Variants in DMXL2 observed in about 807,000 individuals in gnomAD.
The protein encoded by DMXL2 is dmX-like protein 2.
A neutral mutation model predicts 331.1 loss-of-function variants in DMXL2; 103 were observed. The ratio of observed to expected loss-of-function variants is 0.31; its 90% CI spans 0.27 to 0.37. The LOEUF is 0.37. DMXL2 is among the 10% of genes least tolerant of loss of function. The pLI is 1.00. For missense variants in DMXL2, 3,171 were observed against 3,642.9 expected (o/e 0.87, Z 3.33); for synonymous variants, 1,281 against 1,252.1 (o/e 1.02, Z -0.49).
intron 14 of DMXL2, among the ~76,000 whole-genome samples, chr15:51,515,840 ATTAAG>A (rs1453214083): frequency 6.6e-6 from 1 of 152,182 alleles, no homozygotes; most frequent in Non-Finnish European, 1.5e-5. Context: ...TCCATTAAAA[ATTAAG>A]TTATCTATAG....
At chr15:51,462,177 G>T (rs916865687) in intron 33 of DMXL2, among the ~76,000 whole-genome samples, 2 of 152,060 alleles carry the variant, frequency 1.3e-5, no homozygotes, top group Non-Finnish European at 2.9e-5. Context: ...GTGGGAAAAA[G>T]AACAAGTATG....
intron 1 of DMXL2, among the ~76,000 whole-genome samples, chr15:51,579,415 T>C (rs958251491): frequency 3.9e-5 from 6 of 152,126 alleles, no homozygotes; most frequent in Non-Finnish European, 7.4e-5. Context: ...CTGAATCACA[T>C]GCATTCTGTA....
intron 29 of DMXL2, among the ~76,000 whole-genome samples, chr15:51,466,766 G>T (rs2040614797): frequency 6.6e-6 from 1 of 151,934 alleles, no homozygotes; most frequent in South Asian, 2.1e-4. Context: ...AATTTACACA[G>T]GCTTTAAGTA....
rs186090917 is a variant in DMXL2, at chr15:51,458,644, G to C, written c.8077-17C>G. On this transcript the variant is annotated splice_polypyrimidine_tract_variant and intron_variant, in intron 35 of 43. Transcript: ENST00000560891. The stretch of plus-strand genomic sequence containing the variant: ...ACAATTTGCCTATAAAGCAAAGGCA[G>C]AATCGATGATTTAAGCAATTTCACT... 6 of 1,613,824 alleles carry C rather than the reference G, an allele frequency of 3.7e-6. No homozygotes were observed. The African/African-American group carries it at 8.0e-5, about 22-fold the overall frequency.
chr15:51,563,488 T>C (rs2050090390), intron 5 of DMXL2, 41 bp from the exon 6 acceptor site: 1 of 1,413,416 alleles, frequency 7.1e-7, no homozygotes, highest in African/African-American at 1.5e-5. Flanking sequence ...TTTTAAAATC[T>C]GGTGTACTGT....
intron 16 of DMXL2, 93 bp from the exon 17 acceptor site, chr15:51,503,126 A>AT: frequency 5.5e-6 from 5 of 915,616 alleles, no homozygotes; most frequent in African/African-American, 1.7e-5. Flanking sequence ...TAAGAAACAT[A>AT]GCTTCTTAAA....
At chr15:51,487,496 C>T (rs549985702) in intron 22 of DMXL2, among the ~76,000 whole-genome samples, 8 of 152,234 alleles carry the variant, frequency 5.3e-5, no homozygotes, top group Admixed American at 1.3e-4. Flanking sequence ...CTCACTCTGT[C>T]GCCCAGGCTG....
At chr15:51,588,485 T>C (rs2052031931) in intron 1 of DMXL2, among the ~76,000 whole-genome samples, 1 of 152,178 alleles carries the variant, frequency 6.6e-6, no homozygotes, top group African/African-American at 2.4e-5. Flanking sequence ...GCCACAATAC[T>C]GTTTCTCAAT....
At chr15:51,517,910 T>C (rs1443085145) in intron 13 of DMXL2, among the ~76,000 whole-genome samples, 1 of 152,172 alleles carries the variant, frequency 6.6e-6, no homozygotes, top group Non-Finnish European at 1.5e-5. Flanking sequence ...AGAGAGCATG[T>C]AAGAAAATTG....
At chr15:51,463,782 T>A (rs867683556) in intron 32 of DMXL2, among the ~76,000 whole-genome samples, 1 of 152,330 alleles carries the variant, frequency 6.6e-6, no homozygotes, top group African/African-American at 2.4e-5. Flanking sequence ...TTATTCTCTT[T>A]TTAAATTATA....
intron 29 of DMXL2, among the ~76,000 whole-genome samples, chr15:51,467,802 C>T (rs1308400787): frequency 6.6e-6 from 1 of 151,664 alleles, no homozygotes; most frequent in Non-Finnish European, 1.5e-5. Flanking sequence ...TCTTGGCTCA[C>T]TGCAAGCTCC....
At chr15:51,462,366 G>A (rs1267973239) in intron 33 of DMXL2, among the ~76,000 whole-genome samples, 4 of 151,558 alleles carry the variant, frequency 2.6e-5, no homozygotes, top group South Asian at 2.1e-4. Flanking sequence ...ACAGAGTTTC[G>A]CTCTTGTTGC....
chr15:51,546,106 TA>T (rs985452776), intron 7 of DMXL2, among the ~76,000 whole-genome samples: 8 of 152,292 alleles, frequency 5.3e-5, no homozygotes, highest in African/African-American at 1.7e-4. Context: ...TAAATGTAAT[TA>T]AACTATCTGG....
At chr15:51,614,479 T>A (rs928344440) in intron 1 of DMXL2, among the ~76,000 whole-genome samples, 6 of 152,232 alleles carry the variant, frequency 3.9e-5, no homozygotes, top group Admixed American at 1.3e-4. Flanking sequence ...TTCCTCCTGA[T>A]ACATTAATAT....
chr15:51,529,318 G>C (rs988655380), intron 13 of DMXL2, among the ~76,000 whole-genome samples: 2 of 151,798 alleles, frequency 1.3e-5, no homozygotes, highest in Non-Finnish European at 2.9e-5. Flanking sequence ...AAAACAAAAA[G>C]TTAATTTTTT....
At position 51,453,793 on chromosome 15, in the gene DMXL2, T is replaced by G. The variant is rs563966899; in HGVS notation, c.8605-152A>C. 20 of 627,190 alleles carry G rather than the reference T, an allele frequency of 3.2e-5. No homozygotes were observed. The African/African-American group carries it at 3.6e-4, about 11-fold the overall frequency. The allele number at this position is 627,190 out of a possible 1,614,324, so 38.9% of individuals were successfully genotyped here. On this transcript the variant is annotated intron_variant, in intron 40 of 43. Coordinates refer to ENST00000560891, the MANE Select transcript of DMXL2 (RefSeq NM_001378457.1). The stretch of plus-strand genomic sequence containing the variant: ...TAGGATAAAAGAATAAGTGATAGTA[T>G]GAGGCTTAACTGTCATGTGTATATT...
chr15:51,480,183 A>T (rs781188057), intron 24 of DMXL2, 44 bp from the exon 25 acceptor site: 17 of 1,457,270 alleles, frequency 1.2e-5, no homozygotes, highest in South Asian at 3.0e-5. Flanking sequence ...AGTTTAAAAA[A>T]TTTTATCAGT....
intron 1 of DMXL2, among the ~76,000 whole-genome samples, chr15:51,613,951 G>A (rs2141420746): frequency 6.6e-6 from 1 of 152,316 alleles, no homozygotes; most frequent in East Asian, 1.9e-4. Context: ...GACCAGCTCA[G>A]CTGATTGTTA....
intron 13 of DMXL2, among the ~76,000 whole-genome samples, chr15:51,531,375 A>G (rs2047995222): frequency 6.6e-6 from 1 of 152,254 alleles, no homozygotes; most frequent in African/African-American, 2.4e-5. Context: ...GCATACAAAA[A>G]TCAAATCAAA....
Sources: allele counts gnomAD v4.1 joint callset (sites outside exome capture counted in the v4.1 genomes callset), GRCh38; gene constraint gnomAD v4.1.1; transcripts MANE v1.5; gene names NCBI Gene and HGNC (gene_info 2026-07-23, HGNC 2026-07-21).